CRPPA: variants seen among roughly 807,000 people sequenced by gnomAD.
The protein encoded by CRPPA is D-ribitol-5-phosphate cytidylyltransferase.
Under a neutral mutation model 52.0 loss-of-function variants are expected in CRPPA, and 43 were observed. That is an observed-to-expected ratio of 0.83 (90% CI 0.65 to 1.07). The LOEUF (loss-of-function observed/expected upper bound fraction) is 1.07. Ranked by LOEUF, CRPPA falls within the 50% of genes least tolerant of loss-of-function variation. CRPPA has a pLI of 0.00. For synonymous variants in CRPPA, 250 were observed against 203.5 expected, an observed-to-expected ratio of 1.23 and a Z score of -1.94; for missense variants, 629 against 551.7, an observed-to-expected ratio of 1.14 and a Z score of -1.40.
At chr7:16,396,626 A>C (rs1342644108) in intron 2 of CRPPA, among the ~76,000 whole-genome samples, 1 of 152,270 alleles carries the variant, frequency 6.6e-6, no homozygotes, top group African/African-American at 2.4e-5. Context: ...TTACACATGC[A>C]TATATGTAGC....
intron 9 of CRPPA, chr7:16,209,287 T>C (rs2128395696): frequency 4.9e-6 from 1 of 204,126 alleles, no homozygotes; most frequent in African/African-American, 2.4e-5. Context: ...TTTTTTTTTT[T>C]TTTGAGACGA....
Position 16,241,716 on chromosome 7 carries a change from C to G in CRPPA, c.1119+16674G>C, listed in dbSNP as rs150154646. 4.3e-4 allele frequency among the ~76,000 whole-genome samples: 65 copies of G among 152,066 alleles called. No individual in the cohort carries two copies. In the East Asian group the frequency reaches 0.012, roughly 29 times the overall value. The stretch of plus-strand genomic sequence containing the variant: ...ATATTTTGGGAAAACCTTGCCAGAA[C>G]CAAATACATAAGGAACTTTATTTTA... On this transcript the variant is annotated intron_variant, in intron 8 of 9. Coordinates refer to ENST00000407010, the MANE Select transcript of CRPPA (RefSeq NM_001101426.4).
intron 3 of CRPPA, among the ~76,000 whole-genome samples, chr7:16,371,641 A>G (rs921728818): frequency 1.3e-5 from 2 of 152,084 alleles, no homozygotes; most frequent in African/African-American, 4.8e-5. Flanking sequence ...TGGCAGTATG[A>G]CAAAACAGGG....
chr7:16,312,749 A>C (rs942236746), intron 3 of CRPPA, among the ~76,000 whole-genome samples: 1 of 151,974 alleles, frequency 6.6e-6, no homozygotes, highest in Non-Finnish European at 1.5e-5. Flanking sequence ...TAAATCAAGA[A>C]AGATCTCTAT....
chr7:16,234,493 A>T (rs1234142104), intron 8 of CRPPA, among the ~76,000 whole-genome samples: 1 of 152,266 alleles, frequency 6.6e-6, no homozygotes, highest in Middle Eastern at 3.4e-3. Context: ...AATTCTACTA[A>T]AAAGATCAAG....
intron 5 of CRPPA, among the ~76,000 whole-genome samples, chr7:16,286,020 CAAAAAA>C (rs1166330678): frequency 8.3e-4 from 6 of 7,244 alleles, no homozygotes; most frequent in African/African-American, 1.2e-3. Context: ...AACTCCATCT[CAAAAAA>C]AAAAAAAAAA....
intron 5 of CRPPA, among the ~76,000 whole-genome samples, chr7:16,283,587 C>A (rs1784363181): frequency 6.6e-6 from 1 of 150,830 alleles, no homozygotes; most frequent in South Asian, 2.1e-4. Flanking sequence ...CAGTAGGATA[C>A]ATACATATCC....
intron 5 of CRPPA, among the ~76,000 whole-genome samples, chr7:16,295,875 ATCAG>A (rs1470402747): frequency 6.6e-6 from 1 of 152,134 alleles, no homozygotes; most frequent in East Asian, 1.9e-4. Flanking sequence ...TTACAAACTT[ATCAG>A]TCAGTCCAGT....
chr7:16,312,375 C>T (rs1035228897), intron 3 of CRPPA, among the ~76,000 whole-genome samples: 2 of 151,850 alleles, frequency 1.3e-5, no homozygotes, highest in South Asian at 2.1e-4. Flanking sequence ...GGGTTGCTAA[C>T]GTAAAGAGTA....
At chr7:16,165,216 C>A (rs1163252839) in intron 9 of CRPPA, among the ~76,000 whole-genome samples, 1 of 100,392 alleles carries the variant, frequency 1.0e-5, no homozygotes, top group Non-Finnish European at 2.2e-5. Context: ...TCTCTCCCAA[C>A]CTCCTCCAAG....
In CRPPA at chr7:16,132,919, C is replaced by T. The variant is rs529597942; in HGVS notation, c.1252-41120G>A. Among the ~76,000 whole-genome samples, 214 of 123,482 alleles carry T rather than the reference C, an allele frequency of 1.7e-3. 31 individuals are homozygous for T. The highest frequency in any genetic ancestry group is 5.0e-3 in the African/African-American group (192 of 38,174). 81.0% of individuals were successfully genotyped at this position (123,482 alleles called of 152,430 possible). On this transcript the variant is annotated intron_variant, in intron 9 of 9. Transcript: ENST00000407010. ...TGCCTGAAGTCCCAGCACTCTGAGA[C>T]GCTGAGGTGGGAGGACTGCCTGAGC...
chr7:16,171,053 C>T (rs112948088), intron 9 of CRPPA, among the ~76,000 whole-genome samples: 5,170 of 152,294 alleles, frequency 0.034, 294 homozygotes, highest in African/African-American at 0.12. Flanking sequence ...GCTCCTCAAG[C>T]GTGGTCAGAG....
intron 2 of CRPPA, among the ~76,000 whole-genome samples, chr7:16,398,802 T>C (rs1230223432): frequency 6.6e-6 from 1 of 152,182 alleles, no homozygotes; most frequent in Non-Finnish European, 1.5e-5. Context: ...GTGATTAACA[T>C]GATTGAAACG....
At chr7:16,267,298 T>A (rs1783980763) in intron 6 of CRPPA, among the ~76,000 whole-genome samples, 3 of 152,204 alleles carry the variant, frequency 2.0e-5, no homozygotes, top group South Asian at 4.1e-4. Context: ...AAATTTTAGA[T>A]GTGTATTTCT....
chr7:16,262,270 T>A (rs2128413438), intron 6 of CRPPA, among the ~76,000 whole-genome samples: 1 of 152,322 alleles, frequency 6.6e-6, no homozygotes, highest in Admixed American at 6.5e-5. Flanking sequence ...TCTAAACACC[T>A]ACTCTACTTT....
intron 3 of CRPPA, among the ~76,000 whole-genome samples, chr7:16,342,856 T>G (rs1475105119): frequency 2.7e-5 from 4 of 147,334 alleles, no homozygotes; most frequent in African/African-American, 9.9e-5. Flanking sequence ...TATACATATA[T>G]AGATATATAG....
intron 2 of CRPPA, among the ~76,000 whole-genome samples, chr7:16,398,701 CT>C (rs1472075838): frequency 5.9e-5 from 9 of 152,076 alleles, no homozygotes; most frequent in South Asian, 2.1e-4. Context: ...CGATTGGCAT[CT>C]AATCAACACG....
chr7:16,362,364 A>G (rs1395089671), intron 3 of CRPPA, among the ~76,000 whole-genome samples: 1 of 152,192 alleles, frequency 6.6e-6, no homozygotes, highest in Admixed American at 6.5e-5. Flanking sequence ...GGCAAAAAGG[A>G]ACACACACAG....
intron 2 of CRPPA, among the ~76,000 whole-genome samples, chr7:16,376,494 G>A (rs1583558972): frequency 6.6e-6 from 1 of 152,050 alleles, no homozygotes; most frequent in South Asian, 2.1e-4. Flanking sequence ...CTGATCACAG[G>A]CCATTGAAGT....
Sources: allele counts gnomAD v4.1 joint callset (sites outside exome capture counted in the v4.1 genomes callset), GRCh38; gene constraint gnomAD v4.1.1; transcripts MANE v1.5; gene names NCBI Gene and HGNC (gene_info 2026-07-23, HGNC 2026-07-21).